The following ATG10 variants were observed in gnomAD, a reference collection of about 807,000 sequenced individuals.
ATG10 encodes ubiquitin-like-conjugating enzyme ATG10.
In ATG10, 30 loss-of-function variants were observed where a neutral mutation model predicts 32.1. The ratio of observed to expected loss-of-function variants is 0.94; its 90% CI spans 0.70 to 1.27. The LOEUF (loss-of-function observed/expected upper bound fraction) is 1.27. Ranked by LOEUF, ATG10 falls within the 50% of genes most tolerant of loss-of-function variation. The probability of loss-of-function intolerance (pLI) is 0.00; values close to 1 mark genes in which losing one functional copy is unlikely to be tolerated. For synonymous variants in ATG10, 87 were observed against 91.5 expected (o/e 0.95, Z 0.28); for missense variants, 233 against 262.3 (o/e 0.89, Z 0.77).
At chr5:82,074,088 A>G (rs184914624) in intron 3 of ATG10, among the ~76,000 whole-genome samples, 1 of 152,218 alleles carries the variant, frequency 6.6e-6, no homozygotes, top group Admixed American at 6.5e-5. Flanking sequence ...TATAGTGTTT[A>G]TAGTGCCTAT....
chr5:82,116,042 G>A (rs1465321508), intron 3 of ATG10, among the ~76,000 whole-genome samples: 1 of 152,018 alleles, frequency 6.6e-6, no homozygotes, highest in East Asian at 1.9e-4. Context: ...ACATTTCAAG[G>A]GCAATTTAGC....
chr5:82,091,872 C>T (rs1764898425), intron 3 of ATG10, among the ~76,000 whole-genome samples: 1 of 152,072 alleles, frequency 6.6e-6, no homozygotes, highest in Non-Finnish European at 1.5e-5. Context: ...TATTACAAGA[C>T]CAGGGTTAAT....
intron 5 of ATG10, among the ~76,000 whole-genome samples, chr5:82,230,856 T>C (rs1746340935): frequency 6.6e-6 from 1 of 151,860 alleles, no homozygotes; most frequent in Admixed American, 6.6e-5. Context: ...AAAAGAAAGT[T>C]ATAAGGACTA....
intron 5 of ATG10, among the ~76,000 whole-genome samples, chr5:82,232,349 G>T (rs1746396829): frequency 6.6e-6 from 1 of 152,162 alleles, no homozygotes; most frequent in Non-Finnish European, 1.5e-5. Context: ...TCATACTGAA[G>T]TTCTGTATTT....
intron 2 of ATG10, among the ~76,000 whole-genome samples, chr5:82,037,129 CA>C (rs1159037400): frequency 0.03 from 780 of 25,776 alleles, no homozygotes; most frequent in Non-Finnish European, 0.043. Context: ...GACTCTGTCT[CA>C]AAAAAAAAAA....
chr5:82,011,593 C>T (rs10514231), intron 2 of ATG10, among the ~76,000 whole-genome samples: 86,900 of 152,116 alleles, frequency 0.57, 26,687 homozygotes, highest in East Asian at 0.9. Flanking sequence ...AGCCTGGCTT[C>T]GTTCTCTCAA....
intron 1 of ATG10, chr5:81,976,241 C>T (rs974716743): frequency 6.6e-6 from 1 of 151,822 alleles, no homozygotes; most frequent in Non-Finnish European, 1.5e-5. Flanking sequence ...GATCTCCTGA[C>T]CTCGTGATCC....
chr5:82,076,947 G>A (rs540226478), intron 3 of ATG10, among the ~76,000 whole-genome samples: 69 of 152,226 alleles, frequency 4.5e-4, no homozygotes, highest in African/African-American at 1.6e-3. Context: ...TAGGCTTTTG[G>A]TAGCCATTGT....
chr5:81,979,312 G>C (rs751021963), intron 1 of ATG10, among the ~76,000 whole-genome samples: 1 of 152,190 alleles, frequency 6.6e-6, no homozygotes, highest in Non-Finnish European at 1.5e-5. Context: ...CGGATCACGA[G>C]GTCAGGAGAT....
At chr5:82,133,877 G>A (rs965912853) in intron 3 of ATG10, among the ~76,000 whole-genome samples, 10 of 151,778 alleles carry the variant, frequency 6.6e-5, no homozygotes, top group Admixed American at 2.0e-4. Flanking sequence ...CCATTTGTTC[G>A]TGTCCTCTCT....
intron 2 of ATG10, among the ~76,000 whole-genome samples, chr5:82,024,930 A>G (rs886281657): frequency 2.0e-5 from 3 of 152,258 alleles, no homozygotes; most frequent in African/African-American, 7.2e-5. Flanking sequence ...CCAAATTGAG[A>G]TTTTAAAAAC....
intron 5 of ATG10, among the ~76,000 whole-genome samples, chr5:82,223,839 A>G (rs527813695): frequency 1.8e-4 from 28 of 152,286 alleles, no homozygotes; most frequent in African/African-American, 6.5e-4. Context: ...AGAATGAGAG[A>G]GAGAGGCTTG....
chr5:82,115,634 T>A (rs1230594483), intron 3 of ATG10, among the ~76,000 whole-genome samples: 1 of 152,106 alleles, frequency 6.6e-6, no homozygotes. Flanking sequence ...TTTTGTAACA[T>A]CATACTGTCT....
intron 5 of ATG10, among the ~76,000 whole-genome samples, chr5:82,189,938 A>G (rs544969081): frequency 5.3e-5 from 8 of 152,252 alleles, no homozygotes; most frequent in African/African-American, 1.7e-4. Context: ...TTTAATTTGA[A>G]TAACTTTAGA....
chr5:82,197,549 C>T (rs1561352405), intron 5 of ATG10, among the ~76,000 whole-genome samples: 1 of 151,904 alleles, frequency 6.6e-6, no homozygotes, highest in Non-Finnish European at 1.5e-5. Context: ...GGGAATATGA[C>T]CTGTGCCTGT....
At chr5:82,115,022 A>G (rs1407770714) in intron 3 of ATG10, among the ~76,000 whole-genome samples, 1 of 152,088 alleles carries the variant, frequency 6.6e-6, no homozygotes, top group East Asian at 1.9e-4. Context: ...TTCAGTTTAA[A>G]TAGTCATGTG....
chr5:82,048,473 A>G (rs1763294622), intron 2 of ATG10, among the ~76,000 whole-genome samples: 1 of 152,114 alleles, frequency 6.6e-6, no homozygotes, highest in Admixed American at 6.5e-5. Flanking sequence ...TTTACCATTC[A>G]GGACATAGGC....
intron 2 of ATG10, among the ~76,000 whole-genome samples, chr5:82,050,355 C>T (rs1450201098): frequency 6.6e-6 from 1 of 151,914 alleles, no homozygotes; most frequent in Non-Finnish European, 1.5e-5. Context: ...CTATTGATTC[C>T]TGCTATAATA....
At chr5:82,243,905 C>A (rs1746908978) in intron 5 of ATG10, among the ~76,000 whole-genome samples, 2 of 151,796 alleles carry the variant, frequency 1.3e-5, no homozygotes, top group Admixed American at 1.3e-4. Flanking sequence ...ACAAAATAAG[C>A]CCAAACAAAA....
Sources: allele counts gnomAD v4.1 joint callset (sites outside exome capture counted in the v4.1 genomes callset), GRCh38; gene constraint gnomAD v4.1.1; transcripts MANE v1.5; gene names NCBI Gene and HGNC (gene_info 2026-07-23, HGNC 2026-07-21).